Variants in ZNF564 observed in about 807,000 individuals in gnomAD.
ZNF564 encodes the protein zinc finger protein 564.
ZNF564 carries 5 observed loss-of-function variants against 10.5 expected under a neutral mutation model. The ratio of observed to expected loss-of-function variants is 0.48; its 90% CI spans 0.25 to 1.00. The LOEUF (loss-of-function observed/expected upper bound fraction) is 1.00. ZNF564 is among the 50% of genes least tolerant of loss of function. The probability of loss-of-function intolerance (pLI) is 0.16; values close to 1 mark genes in which losing one functional copy is unlikely to be tolerated. For missense variants in ZNF564, 603 were observed against 669.7 expected (o/e 0.90, Z 1.10); for synonymous variants, 242 against 218.1 (o/e 1.11, Z -0.97).
rs1328261693 is a variant in ZNF564 at position 12,527,286 on chromosome 19, A to C, written c.822T>G (p.Thr274=). The C allele has an allele frequency of 1.9e-6, 3 of 1,613,988 alleles. No individual in the cohort carries two copies. Among genetic ancestry groups the C allele is most frequent in the Admixed American group, 3.3e-5 (2 of 59,994 alleles). Residue 274 remains threonine, a synonymous_variant, in exon 4 of 4, where the codon ACT becomes ACG. Transcript: ENST00000339282. ...ATTCATGGGGTTTCTCTCCAGTATGAGTTCTTTCATGTATTCGAAATAAAC... is the reference window on the plus strand; with the variant it reads ...ATTCATGGGGTTTCTCTCCAGTATGCGTTCTTTCATGTATTCGAAATAAAC... ...RPSLFRIHER[T]HTGEKPHECK...
chr19:12,536,991 G>C (rs969355836), intron 1 of ZNF564, among the ~76,000 whole-genome samples: 1 of 152,012 alleles, frequency 6.6e-6, no homozygotes, highest in African/African-American at 2.4e-5. Context: ...TCTTCTGCCA[G>C]TCCCCAGCCC....
At chr19:12,534,640 C>A (rs151080305) in intron 1 of ZNF564, among the ~76,000 whole-genome samples, 8 of 152,172 alleles carry the variant, frequency 5.3e-5, no homozygotes, top group Admixed American at 2.0e-4. Context: ...ATGGTGAAAC[C>A]TTGTCTCTAC....
At chr19:12,542,773 G>A (rs576345279) in intron 1 of ZNF564, among the ~76,000 whole-genome samples, 11 of 151,950 alleles carry the variant, frequency 7.2e-5, no homozygotes, top group Middle Eastern at 3.4e-3. Context: ...GGAGGCCGAG[G>A]TGGGTGGATC....
chr19:12,526,327 T>G lies in ZNF564; in HGVS notation c.*119A>C. On this transcript the variant is annotated 3_prime_UTR_variant, in exon 4 of 4. Coordinates refer to ENST00000339282, the MANE Select transcript of ZNF564 (RefSeq NM_144976.4). ...GACAGGCACAGGATAGAGATTCCTA[T>G]TCCAAAAGTGAGAAACAGGAGAAAG... 5 of 1,076,424 alleles carry G rather than the reference T, an allele frequency of 4.6e-6. No homozygotes were observed. The South Asian group carries it at 8.3e-5, about 18-fold the overall frequency. 66.7% of individuals were successfully genotyped at this position (1,076,424 alleles called of 1,614,324 possible).
chr19:12,540,696 C>T (rs1452670433), intron 1 of ZNF564, among the ~76,000 whole-genome samples: 2 of 151,948 alleles, frequency 1.3e-5, no homozygotes, highest in South Asian at 2.1e-4. Flanking sequence ...CTACTAAAAA[C>T]ACAAAAAATT....
intron 1 of ZNF564, among the ~76,000 whole-genome samples, chr19:12,549,080 G>A (rs2022206172): frequency 6.6e-6 from 1 of 151,814 alleles, no homozygotes. Context: ...TTGCGGAGAG[G>A]AAACTACACA....
At chr19:12,547,618 T>A (rs1055120141) in intron 1 of ZNF564, among the ~76,000 whole-genome samples, 1 of 152,056 alleles carries the variant, frequency 6.6e-6, no homozygotes, top group Non-Finnish European at 1.5e-5. Flanking sequence ...TTCCCAGTGG[T>A]CTGTAGCTTC....
chr19:12,537,505 G>C (rs564513934), intron 1 of ZNF564, among the ~76,000 whole-genome samples: 1 of 151,998 alleles, frequency 6.6e-6, no homozygotes, highest in African/African-American at 2.4e-5. Context: ...TTGGGAGGTC[G>C]AGGGGGGCGG....
intron 1 of ZNF564, among the ~76,000 whole-genome samples, chr19:12,528,942 T>C (rs2021746632): frequency 1.3e-5 from 2 of 152,116 alleles, no homozygotes; most frequent in African/African-American, 4.8e-5. Context: ...CGTATGCCTG[T>C]TAATCCCGGC....
chr19:12,539,107 G>A (rs531454234), intron 1 of ZNF564, among the ~76,000 whole-genome samples: 7 of 151,336 alleles, frequency 4.6e-5, no homozygotes, highest in African/African-American at 9.7e-5. Flanking sequence ...GGTGGTGGGC[G>A]CCTGTAATCC....
intron 1 of ZNF564, among the ~76,000 whole-genome samples, chr19:12,532,579 C>T (rs965857420): frequency 7.3e-6 from 1 of 137,642 alleles, no homozygotes; most frequent in African/African-American, 2.7e-5. Flanking sequence ...TTTTAATTAA[C>T]CAGTTGGGGT....
At chr19:12,550,307 A>AT (rs529396160) in intron 1 of ZNF564, 210 of 147,570 alleles carry the variant, frequency 1.4e-3, no homozygotes, top group Admixed American at 3.0e-3. Context: ...AAAAAAAAAA[A>AT]TTTTACCGTA....
At chr19:12,542,732 C>T (rs149113934) in intron 1 of ZNF564, among the ~76,000 whole-genome samples, 79 of 152,086 alleles carry the variant, frequency 5.2e-4, no homozygotes, top group Non-Finnish European at 9.4e-4. Flanking sequence ...GGCCGGGCAC[C>T]ATAGCTCATG....
intron 1 of ZNF564, chr19:12,541,505 G>A (rs1008077106): frequency 2.7e-5 from 4 of 150,308 alleles, no homozygotes; most frequent in South Asian, 2.1e-4. Context: ...AGCCAAAATC[G>A]CGCCACTAGA....
Position 12,527,872 on chromosome 19 carries a change from T to C in ZNF564, c.236A>G (p.Gln79Arg). 6.2e-7 allele frequency: 1 copy of C among 1,613,210 alleles called. No homozygotes were observed. Residue 79 changes from glutamine (Q) to arginine (R), a missense_variant, in exon 4 of 4, where the codon CAA becomes CGA. Transcript: ENST00000339282. ...AATCTGACTGAAGGCTTCTCCACATTGATCATATTCTTTACTTTCACTGAG... is the reference window on the plus strand; with the variant it reads ...AATCTGACTGAAGGCTTCTCCACATCGATCATATTCTTTACTTTCACTGAG... The part of the protein sequence containing the change: ...EGLSESKEYD[Q>R]CGEAFSQILN...
chr19:12,533,763 A>C (rs1452069063), intron 1 of ZNF564, among the ~76,000 whole-genome samples: 1 of 150,060 alleles, frequency 6.7e-6, no homozygotes, highest in Non-Finnish European at 1.5e-5. Context: ...GAAAAAAGAA[A>C]AGAGTCTACT....
At chr19:12,542,634 G>C (rs1018321803) in intron 1 of ZNF564, among the ~76,000 whole-genome samples, 3 of 114,314 alleles carry the variant, frequency 2.6e-5, no homozygotes, top group African/African-American at 1.1e-4. Flanking sequence ...AGAAAGGAAG[G>C]AAAGAAAGGG....
chr19:12,543,321 AGAAGG>A (rs1461530801), intron 1 of ZNF564, among the ~76,000 whole-genome samples: 3 of 115,164 alleles, frequency 2.6e-5, no homozygotes, highest in African/African-American at 6.5e-5. Flanking sequence ...AAAAAAAGAG[AGAAGG>A]GGAGGGGAGG....
At chr19:12,535,437 T>C (rs1038272102) in intron 1 of ZNF564, among the ~76,000 whole-genome samples, 1 of 152,110 alleles carries the variant, frequency 6.6e-6, no homozygotes, top group African/African-American at 2.4e-5. Context: ...CCATATACAA[T>C]GTATTACCAA....
Sources: gnomAD v4.1 joint callset for allele counts (sites outside exome capture counted in the v4.1 genomes callset) on GRCh38, gnomAD v4.1.1 for gene constraint, MANE v1.5 for transcripts, NCBI Gene and HGNC (gene_info 2026-07-23, HGNC 2026-07-21) for gene names.